The following RNF24 variants were observed in gnomAD, a reference collection of about 807,000 sequenced individuals.
RNF24 encodes ring finger protein 24.
RNF24 carries 14 observed loss-of-function variants against 20.0 expected under a neutral mutation model. The ratio of observed to expected loss-of-function variants is 0.70; its 90% confidence interval spans 0.46 to 1.10. The LOEUF (loss-of-function observed/expected upper bound fraction) is 1.10. Ranked by LOEUF, RNF24 falls within the 50% of genes least tolerant of loss-of-function variation. RNF24 has a pLI of 0.00. For synonymous variants in RNF24, 45 were observed against 61.1 expected (o/e 0.74, Z 1.23); for missense variants, 124 against 177.6 (o/e 0.70, Z 1.71).
chr20:3,960,070 A>G (rs569959959), intron 2 of RNF24, among the ~76,000 whole-genome samples: 1 of 152,224 alleles, frequency 6.6e-6, no homozygotes, highest in South Asian at 2.1e-4. Flanking sequence ...CTATACTACA[A>G]TCCTGTGTAA....
At chr20:3,947,539 G>C (rs1358429257) in intron 3 of RNF24, among the ~76,000 whole-genome samples, 1 of 152,170 alleles carries the variant, frequency 6.6e-6, no homozygotes, top group Admixed American at 6.5e-5. Flanking sequence ...TGAGATCACT[G>C]TAACACAGCT....
At chr20:3,966,087 A>G (rs1411733317) in intron 1 of RNF24, among the ~76,000 whole-genome samples, 2 of 146,018 alleles carry the variant, frequency 1.4e-5, no homozygotes, top group African/African-American at 5.1e-5. Context: ...GTGAGCCAAG[A>G]TTGCTCCACT....
intron 1 of RNF24, among the ~76,000 whole-genome samples, chr20:4,010,218 C>A (rs544386597): frequency 6.6e-6 from 1 of 151,526 alleles, no homozygotes; most frequent in South Asian, 2.1e-4. Context: ...ACCAGAAATA[C>A]AAAAATTAGC....
intron 1 of RNF24, among the ~76,000 whole-genome samples, chr20:3,971,278 C>G (rs770215680): frequency 3.7e-4 from 56 of 152,058 alleles, no homozygotes; most frequent in Non-Finnish European, 6.6e-4. Context: ...GCAAAAATAC[C>G]CTTCAGGAAT....
At chr20:3,998,978 GCTGAGGCAGAAGAA>G (rs1397906589) in intron 1 of RNF24, among the ~76,000 whole-genome samples, 1 of 151,452 alleles carries the variant, frequency 6.6e-6, no homozygotes, top group Non-Finnish European at 1.5e-5. Context: ...TACTCAGGAG[GCTGAGGCAGAAGAA>G]CCGTTTGAAC....
chr20:3,974,659 G>T (rs913886875), intron 1 of RNF24, among the ~76,000 whole-genome samples: 1 of 151,944 alleles, frequency 6.6e-6, no homozygotes, highest in Admixed American at 6.6e-5. Flanking sequence ...ATTTACAATT[G>T]TTCAAAAAAA....
In RNF24 at chr20:4,008,443, A is replaced by AAT. The variant is rs1300328132; in HGVS notation, c.-8+6992_-8+6993dup. On this transcript the variant is annotated intron_variant, in intron 1 of 5. Transcript: ENST00000358395. Reference sequence around the variant, plus strand: ...ATTATATATAATATATAATATGTATAATATATATAATATATAATATATAAT... The same window carrying AAT: ...ATTATATATAATATATAATATGTATAATATATATATAATATATAATATATAAT... 6.7e-3 allele frequency among the ~76,000 whole-genome samples: 150 copies of AAT among 22,266 alleles called. 16 individuals carry two copies. The highest frequency in any genetic ancestry group is 0.024 in the African/African-American group (130 of 5,474). 14.6% of individuals were successfully genotyped at this position (22,266 alleles called of 152,430 possible). A position where few individuals can be genotyped will look rare whatever the true frequency, so the allele number is the denominator to read the frequency against.
intron 1 of RNF24, among the ~76,000 whole-genome samples, chr20:3,987,489 A>C (rs1201775467): frequency 6.6e-6 from 1 of 152,158 alleles, no homozygotes; most frequent in African/African-American, 2.4e-5. Flanking sequence ...TCCTCTAATT[A>C]TCTGCAGATG....
intron 1 of RNF24, among the ~76,000 whole-genome samples, chr20:3,997,140 T>C (rs1980938671): frequency 6.7e-6 from 1 of 148,430 alleles, no homozygotes; most frequent in African/African-American, 2.5e-5. Context: ...GCAGGAGAGT[T>C]GCTTGAACCC....
Position 3,934,951 on chromosome 20 carries a change from C to T in RNF24, c.308+43G>A, listed in dbSNP as rs1264319281. 13 of 1,561,744 alleles carry T rather than the reference C, an allele frequency of 8.3e-6. No individual in the cohort carries two copies. Among genetic ancestry groups the T allele is most frequent in the Non-Finnish European group, 1.1e-5 (13 of 1,132,958 alleles). ...ACCCAAAAGAAGTTGGTTGATGTGC[C>T]TCAAACTCGGGTCCCATTAAGTAAT... On this transcript the variant is annotated intron_variant, in intron 5 of 5. Coordinates refer to ENST00000358395, the MANE Select transcript of RNF24 (RefSeq NM_001134337.3). This position sits in a 1 kb window ranked among gnomAD's most constrained non-coding sequence, Gnocchi z 4.0.
At chr20:3,987,237 T>G (rs1337906237) in intron 1 of RNF24, among the ~76,000 whole-genome samples, 2 of 152,180 alleles carry the variant, frequency 1.3e-5, no homozygotes, top group African/African-American at 4.8e-5. Flanking sequence ...AGACAAGTTA[T>G]AAAGGAAGAA....
At chr20:3,952,299 A>G (rs150174893) in intron 2 of RNF24, among the ~76,000 whole-genome samples, 5 of 152,210 alleles carry the variant, frequency 3.3e-5, no homozygotes, top group Admixed American at 6.5e-5. Flanking sequence ...TCTCTTACAC[A>G]TTTCTCCTAG....
At chr20:3,968,964 G>A (rs2146999714) in intron 1 of RNF24, among the ~76,000 whole-genome samples, 1 of 152,226 alleles carries the variant, frequency 6.6e-6, no homozygotes, top group Non-Finnish European at 1.5e-5. Context: ...CCTAGGCCAT[G>A]AGTATTAGAG....
chr20:4,009,641 AGGAGT>A (rs1477617481), intron 1 of RNF24, among the ~76,000 whole-genome samples: 1 of 152,210 alleles, frequency 6.6e-6, no homozygotes, highest in East Asian at 1.9e-4. Flanking sequence ...GATAAGTTTA[AGGAGT>A]GGAGAGAAGT....
chr20:3,944,593 A>C (rs563248915), intron 4 of RNF24, among the ~76,000 whole-genome samples: 3 of 152,348 alleles, frequency 2.0e-5, no homozygotes, highest in East Asian at 3.9e-4. Flanking sequence ...CAACACAAGA[A>C]ATAGAATGAA....
intron 3 of RNF24, among the ~76,000 whole-genome samples, chr20:3,947,080 A>G (rs2091027711): frequency 6.6e-6 from 1 of 152,058 alleles, no homozygotes; most frequent in Non-Finnish European, 1.5e-5. Flanking sequence ...CTGTCGTCCC[A>G]GCTACTTGGG....
intron 1 of RNF24, among the ~76,000 whole-genome samples, chr20:3,971,268 G>C (rs1600673043): frequency 6.6e-6 from 1 of 152,114 alleles, no homozygotes; most frequent in East Asian, 1.9e-4. Flanking sequence ...CCTACATCCA[G>C]CAAAAATACC....
At chr20:3,981,336 CTCTT>C (rs1979362595) in intron 1 of RNF24, among the ~76,000 whole-genome samples, 1 of 151,924 alleles carries the variant, frequency 6.6e-6, no homozygotes, top group Non-Finnish European at 1.5e-5. Flanking sequence ...CACTTATATT[CTCTT>C]TTATTTGCAT....
At chr20:3,950,204 C>A (rs2091065839) in intron 2 of RNF24, among the ~76,000 whole-genome samples, 1 of 152,120 alleles carries the variant, frequency 6.6e-6, no homozygotes, top group African/African-American at 2.4e-5. Flanking sequence ...CAAACTGGAA[C>A]CTCAGAATAT....
Sources: allele counts gnomAD v4.1 joint callset (sites outside exome capture counted in the v4.1 genomes callset), GRCh38; gene constraint gnomAD v4.1.1; non-coding constraint Gnocchi (gnomAD v3.1); transcripts MANE v1.5; gene names NCBI Gene and HGNC (gene_info 2026-07-23, HGNC 2026-07-21).